Variants in TANC2 observed in about 807,000 individuals in gnomAD.
The protein encoded by TANC2 is tetratricopeptide repeat, ankyrin repeat and coiled-coil containing 2.
TANC2 carries 26 observed loss-of-function variants against 210.5 expected under a neutral mutation model. The observed-to-expected ratio is 0.12, with a 90% CI of 0.09 to 0.17. The LOEUF (loss-of-function observed/expected upper bound fraction) is 0.17. Ranked by LOEUF, TANC2 falls within the 10% of genes least tolerant of loss-of-function variation. The probability of loss-of-function intolerance (pLI) is 1.00; values close to 1 mark genes in which losing one functional copy is unlikely to be tolerated. For missense variants in TANC2, 2,129 were observed against 2,608.9 expected, an observed-to-expected ratio of 0.82 and a Z score of 4.01; for synonymous variants, 931 against 967.1, an observed-to-expected ratio of 0.96 and a Z score of 0.69.
exon 19 of TANC2, chr17:63,398,863 G>A: frequency 1.3e-6 from 2 of 1,597,934 alleles, no homozygotes; most frequent in Non-Finnish European, 1.7e-6. Flanking sequence ...AGATGAAGAG[G>A]AAGTAGAGCG....
At position 63,229,365 on chromosome 17, in the gene TANC2, G is replaced by A. The variant is rs185811655; in HGVS notation, c.770-8449G>A. 1.8e-4 allele frequency among the ~76,000 whole-genome samples: 28 copies of A among 152,294 alleles called. 1 individual carries two copies. Among genetic ancestry groups the A allele is most frequent in the Admixed American group, 5.2e-4 (8 of 15,300 alleles). ...GATTTTTCCGTCAATATGCATCAGG[G>A]ATATTGGGCTGAAGTTTTCTTTTTT... On this transcript the variant is annotated intron_variant, in intron 7 of 27. Coordinates refer to ENST00000689528, the Ensembl canonical transcript of TANC2.
chr17:63,018,273 C>T (rs975214771), intron 2 of TANC2, among the ~76,000 whole-genome samples: 5 of 151,868 alleles, frequency 3.3e-5, no homozygotes, highest in African/African-American at 9.7e-5. Flanking sequence ...GGCGGGTCAC[C>T]GGGAAGTCGG....
At chr17:63,168,874 T>C (rs1439215976) in intron 5 of TANC2, among the ~76,000 whole-genome samples, 1 of 152,232 alleles carries the variant, frequency 6.6e-6, no homozygotes, top group African/African-American at 2.4e-5. Context: ...ACAGCATTTA[T>C]CAGAGGGTCT....
At chr17:62,981,974 G>A (rs1159790077) in intron 1 of TANC2, among the ~76,000 whole-genome samples, 1 of 152,184 alleles carries the variant, frequency 6.6e-6, no homozygotes, top group African/African-American at 2.4e-5. Context: ...AAGACATGTA[G>A]CAAATCATAC....
chr17:63,159,087 GACAGTTTTT>G (rs1452699364), intron 5 of TANC2, among the ~76,000 whole-genome samples: 1 of 152,128 alleles, frequency 6.6e-6, no homozygotes, highest in Non-Finnish European at 1.5e-5. Context: ...GCAAGACAGT[GACAGTTTTT>G]ATAACCTAAT....
intron 2 of TANC2, among the ~76,000 whole-genome samples, chr17:63,037,022 G>T (rs896123897): frequency 1.3e-5 from 2 of 151,698 alleles, no homozygotes; most frequent in Non-Finnish European, 1.5e-5. Context: ...TATAAATTAC[G>T]CATAGTAAGA....
At chr17:63,075,112 A>G (rs1462559064) in intron 3 of TANC2, among the ~76,000 whole-genome samples, 1 of 152,164 alleles carries the variant, frequency 6.6e-6, no homozygotes, top group Non-Finnish European at 1.5e-5. Flanking sequence ...ATGTATTATG[A>G]CTATGTCTGG....
intron 9 of TANC2, among the ~76,000 whole-genome samples, chr17:63,272,481 G>A (rs2043742202): frequency 6.6e-6 from 1 of 151,928 alleles, no homozygotes; most frequent in South Asian, 2.1e-4. Context: ...ATTTTTTCTG[G>A]TTTTGTAAAG....
rs774523963 is a variant in TANC2 at position 63,420,115 on chromosome 17, C to T, written c.4385C>T (p.Pro1462Leu). The change falls in exon 28 of 28, where the codon CCA (proline) becomes CTA (leucine). Residue 1462 changes from proline (P) to leucine (L), a missense_variant. This residue lies in a region of TANC2 where 584 missense variants were observed against 627.3 expected (regional missense o/e 0.93). Coordinates refer to ENST00000689528, the Ensembl canonical transcript of TANC2. The surrounding 1 kb of genome is among the most constrained non-coding windows in gnomAD (Gnocchi z 4.2). ...GAAGAGTGTAGACAGATGCAGCAGC[C>T]ACAGCAGCCACCGCCGCCACCGCAG... 4.5e-6 allele frequency: 7 copies of T among 1,552,400 alleles called. No individual in the cohort carries two copies. The South Asian group carries it at 5.9e-5, about 13-fold the overall frequency.
chr17:63,126,012 T>G (rs1047465448), intron 4 of TANC2, among the ~76,000 whole-genome samples: 18 of 152,304 alleles, frequency 1.2e-4, no homozygotes, highest in African/African-American at 4.3e-4. Flanking sequence ...AGTTTCCGCA[T>G]CTGCAAAAAG....
At chr17:63,049,362 G>A (rs1287418981) in intron 2 of TANC2, among the ~76,000 whole-genome samples, 1 of 152,180 alleles carries the variant, frequency 6.6e-6, no homozygotes, top group Admixed American at 6.5e-5. Context: ...ATGTGTATCT[G>A]TGTGAATATG....
At chr17:63,381,732 C>T (rs1409490360) in intron 15 of TANC2, among the ~76,000 whole-genome samples, 4 of 152,146 alleles carry the variant, frequency 2.6e-5, no homozygotes, top group Admixed American at 2.6e-4. Flanking sequence ...AGCTAAAGAT[C>T]CCTAAGATGA....
intron 8 of TANC2, among the ~76,000 whole-genome samples, chr17:63,246,785 G>A (rs1567850589): frequency 6.6e-6 from 1 of 152,140 alleles, no homozygotes; most frequent in Non-Finnish European, 1.5e-5. Flanking sequence ...GCAAGTGTTT[G>A]GGTAGACATA....
intron 5 of TANC2, among the ~76,000 whole-genome samples, chr17:63,162,032 C>T (rs188468491): frequency 2.6e-5 from 4 of 152,182 alleles, no homozygotes; most frequent in East Asian, 3.9e-4. Flanking sequence ...AGGCTGGGCG[C>T]GGTGGCTCAT....
At chr17:63,225,827 C>T (rs889371384) in intron 7 of TANC2, among the ~76,000 whole-genome samples, 1 of 152,174 alleles carries the variant, frequency 6.6e-6, no homozygotes, top group Non-Finnish European at 1.5e-5. Flanking sequence ...TCCTCTGACA[C>T]AGGAGATCAT....
chr17:63,106,839 G>A (rs2037844456), intron 4 of TANC2, among the ~76,000 whole-genome samples: 1 of 151,586 alleles, frequency 6.6e-6, no homozygotes, highest in Non-Finnish European at 1.5e-5. Flanking sequence ...TATTTGAATG[G>A]AAGTCACTCA....
intron 7 of TANC2, among the ~76,000 whole-genome samples, chr17:63,205,365 A>C (rs970793578): frequency 6.7e-6 from 1 of 148,402 alleles, no homozygotes. Context: ...AAAAAAAAAA[A>C]AAAAAAACCT....
At chr17:63,220,126 C>T (rs764097854) in intron 7 of TANC2, among the ~76,000 whole-genome samples, 6 of 151,762 alleles carry the variant, frequency 4.0e-5, no homozygotes, top group Admixed American at 3.9e-4. Context: ...GAAACCTCTC[C>T]TCTACTAAAA....
At chr17:63,369,868 G>C (rs528368558) in intron 14 of TANC2, among the ~76,000 whole-genome samples, 170 of 152,158 alleles carry the variant, frequency 1.1e-3, no homozygotes, top group Non-Finnish European at 2.1e-3. Flanking sequence ...CTCCCAAAGT[G>C]CTGGGATTAC....
Sources: allele counts gnomAD v4.1 joint callset (sites outside exome capture counted in the v4.1 genomes callset), GRCh38; gene constraint gnomAD v4.1.1; regional missense constraint gnomAD v4.1.1; non-coding constraint Gnocchi (gnomAD v3.1); transcripts MANE v1.5; gene names NCBI Gene and HGNC (gene_info 2026-07-23, HGNC 2026-07-21).